SYBU: variants seen among roughly 807,000 people sequenced by gnomAD.
The protein encoded by SYBU is GOLSYN A protein.
Under a neutral mutation model 35.9 loss-of-function variants are expected in SYBU, and 21 were observed. The ratio of observed to expected loss-of-function variants is 0.58; its 90% CI spans 0.41 to 0.84. The LOEUF (loss-of-function observed/expected upper bound fraction) is 0.84, where lower values mean the gene tolerates loss of function less well. SYBU is among the 40% of genes least tolerant of loss of function. The pLI is 0.00. For synonymous variants in SYBU, 319 were observed against 324.3 expected, an observed-to-expected ratio of 0.98 and a Z score of 0.18; for missense variants, 768 against 848.2, an observed-to-expected ratio of 0.91 and a Z score of 1.17.
At chr8:109,618,229 C>G (rs185495270) in intron 3 of SYBU, among the ~76,000 whole-genome samples, 232 of 152,314 alleles carry the variant, frequency 1.5e-3, no homozygotes, top group African/African-American at 5.3e-3. Context: ...TTACATAGTG[C>G]AGATTCTGAG....
chr8:109,639,851 C>A (rs74504922), intron 2 of SYBU, among the ~76,000 whole-genome samples: 1 of 152,140 alleles, frequency 6.6e-6, no homozygotes, highest in Admixed American at 6.5e-5. Context: ...TAGTACCAAA[C>A]CCATTTATTT....
chr8:109,631,954 T>TAGGAGAAGATAAAGGAAA (rs1813674494), intron 2 of SYBU, among the ~76,000 whole-genome samples: 1 of 151,712 alleles, frequency 6.6e-6, no homozygotes, highest in East Asian at 1.9e-4. Context: ...GTTTCTTTGG[T>TAGGAGAAGATAAAGGAAA]AGGAGAAGAT....
intron 2 of SYBU, among the ~76,000 whole-genome samples, chr8:109,629,729 C>T (rs1445556945): frequency 6.6e-6 from 1 of 151,878 alleles, no homozygotes. Context: ...CACTGACTTC[C>T]ACAATGGTTG....
chr8:109,576,829 T>C (rs532955408), intron 6 of SYBU, among the ~76,000 whole-genome samples: 1 of 152,266 alleles, frequency 6.6e-6, no homozygotes, highest in African/African-American at 2.4e-5. Context: ...GAAGATAGGG[T>C]AGTCAGGATC....
At chr8:109,606,456 TA>T (rs1035996783) in intron 3 of SYBU, among the ~76,000 whole-genome samples, 6 of 152,172 alleles carry the variant, frequency 3.9e-5, no homozygotes, top group African/African-American at 1.2e-4. Flanking sequence ...ATTTTGAGGT[TA>T]AAAATAAATC....
In SYBU at chr8:109,676,011, T is replaced by C. The variant is rs376724821; in HGVS notation, c.-129+4700A>G. Reference sequence around the variant, plus strand: ...TATGCAAATCAATAAACGTAATCCATCACATAAACAGAGCCAACGACAAAA... The same window carrying C: ...TATGCAAATCAATAAACGTAATCCACCACATAAACAGAGCCAACGACAAAA... On this transcript the variant is annotated intron_variant, in intron 1 of 5. Coordinates refer to the SYBU transcript ENST00000408889. Among the ~76,000 whole-genome samples the C allele has an allele frequency of 4.5e-4, 69 of 152,136 alleles. 2 individuals are homozygous for C. In the East Asian group the frequency reaches 0.012, roughly 27 times the overall value.
At chr8:109,678,824 G>T (rs1028741957) in intron 1 of SYBU, among the ~76,000 whole-genome samples, 1 of 152,104 alleles carries the variant, frequency 6.6e-6, no homozygotes, top group Non-Finnish European at 1.5e-5. Context: ...ATTACAAGAA[G>T]ACCTTTAAAA....
chr8:109,604,108 A>C (rs1825825498), intron 3 of SYBU, among the ~76,000 whole-genome samples: 1 of 152,194 alleles, frequency 6.6e-6, no homozygotes, highest in Non-Finnish European at 1.5e-5. Flanking sequence ...AGAAAAAAGA[A>C]AACGTGATCT....
Position 109,574,808 on chromosome 8 carries a change from C to T in SYBU, c.*98G>A. On this transcript the variant is annotated 3_prime_UTR_variant, in exon 7 of 7. Transcript: ENST00000276646. Reference sequence around the variant, plus strand: ...GCAAATCAAATACCAAGGAGCAAAACGACAGAATAGAGACTGTCACAGATG... The same window carrying T: ...GCAAATCAAATACCAAGGAGCAAAATGACAGAATAGAGACTGTCACAGATG... The T allele has an allele frequency of 7.4e-7, 1 of 1,342,880 alleles. No homozygotes were observed. Among genetic ancestry groups the T allele is most frequent in the Non-Finnish European group, 1.0e-6 (1 of 996,752 alleles). 83.2% of individuals were successfully genotyped at this position (1,342,880 alleles called of 1,614,324 possible). A position where few individuals can be genotyped will look rare whatever the true frequency, so the allele number is the denominator to read the frequency against.
chr8:109,580,663 G>A (rs2703385), intron 4 of SYBU: 2 of 152,708 alleles, frequency 1.3e-5, no homozygotes, highest in African/African-American at 4.8e-5. Context: ...CCCTCCAGTA[G>A]AAGGTTGGCT....
intron 3 of SYBU, among the ~76,000 whole-genome samples, chr8:109,592,475 G>T (rs1824398237): frequency 6.6e-6 from 1 of 152,168 alleles, no homozygotes; most frequent in Non-Finnish European, 1.5e-5. Context: ...TCTCATCTTT[G>T]CAGGGCCCAG....
At chr8:109,581,633 G>A (rs1383581539) in intron 4 of SYBU, among the ~76,000 whole-genome samples, 2 of 152,172 alleles carry the variant, frequency 1.3e-5, no homozygotes, top group Admixed American at 6.5e-5. Context: ...TCATATAGTA[G>A]TACTGCTTTC....
intron 1 of SYBU, among the ~76,000 whole-genome samples, chr8:109,668,796 A>G (rs1816860452): frequency 1.3e-5 from 2 of 152,180 alleles, no homozygotes; most frequent in South Asian, 4.1e-4. Flanking sequence ...CTCAGTGAAA[A>G]AGATTGGGCT....
At chr8:109,682,008 G>T (rs111530015), upstream of SYBU, among the ~76,000 whole-genome samples, 7,398 of 152,188 alleles carry the variant, frequency 0.049, 588 homozygotes, top group African/African-American at 0.17. Context: ...CATAATGATT[G>T]TAAGTTTCCT....
Position 109,575,231 on chromosome 8 carries a change from G to A in SYBU, c.1667C>T (p.Pro556Leu). The A allele has an allele frequency of 1.2e-6, 2 of 1,614,208 alleles. No homozygotes were observed. The highest frequency in any genetic ancestry group is 1.7e-6 in the Non-Finnish European group (2 of 1,180,036). Residue 556 changes from proline to leucine, a missense_variant, in exon 7 of 7, where the codon CCC becomes CTC. By Grantham distance (98) the Pro-to-Leu change is moderately conservative. Coordinates refer to ENST00000276646, the MANE Select transcript of SYBU (RefSeq NM_001099754.2). Reference sequence around the variant, plus strand: ...CACATTGGCGTAGGGGGTCTCCACGGGAGACAAAAGGATGGCTGAGTTTGG... The same window carrying A: ...CACATTGGCGTAGGGGGTCTCCACGAGAGACAAAAGGATGGCTGAGTTTGG... ...RNPNSAILLS[P>L]VETPYANVDA...
intron 1 of SYBU, chr8:109,680,117 A>C (rs1006983768): frequency 2.0e-4 from 31 of 152,246 alleles, no homozygotes; most frequent in African/African-American, 7.5e-4. Context: ...CAACTACAAA[A>C]CAACTAGCAT....
intron 1 of SYBU, 93 bp from the exon 2 acceptor site, chr8:109,643,025 T>A: frequency 6.9e-7 from 1 of 1,454,582 alleles, no homozygotes; most frequent in Non-Finnish European, 9.1e-7. Context: ...TTCTAAGAAA[T>A]CACATTTCTG....
At chr8:109,601,729 AAC>A (rs1825546899) in intron 3 of SYBU, among the ~76,000 whole-genome samples, 1 of 152,188 alleles carries the variant, frequency 6.6e-6, no homozygotes, top group South Asian at 2.1e-4. Flanking sequence ...CATGAACTAA[AAC>A]ACAGAGGAAG....
chr8:109,592,074 G>A (rs1586763647), intron 3 of SYBU, among the ~76,000 whole-genome samples: 1 of 151,972 alleles, frequency 6.6e-6, no homozygotes, highest in Admixed American at 6.6e-5. Context: ...TTAGAACAAT[G>A]CCTGGCATAC....
Sources: allele counts gnomAD v4.1 joint callset (sites outside exome capture counted in the v4.1 genomes callset), GRCh38; gene constraint gnomAD v4.1.1; transcripts MANE v1.5; gene names NCBI Gene and HGNC (gene_info 2026-07-23, HGNC 2026-07-21).